The following SMARCC1 variants were observed in gnomAD, a reference collection of about 807,000 sequenced individuals.
The protein encoded by SMARCC1 is SWI/SNF complex subunit SMARCC1.
In SMARCC1, 43 loss-of-function variants were observed where a neutral mutation model predicts 147.4. The ratio of observed to expected loss-of-function variants is 0.29; its 90% CI spans 0.23 to 0.38. The LOEUF is 0.38. SMARCC1 is among the 10% of genes least tolerant of loss of function. The pLI is 1.00. For missense variants in SMARCC1, 1,119 were observed against 1,381.1 expected (o/e 0.81, Z 3.01); for synonymous variants, 495 against 484.4 (o/e 1.02, Z -0.29).
At chr3:47,627,259 G>C (rs1250568700) in intron 24 of SMARCC1, among the ~76,000 whole-genome samples, 1 of 151,870 alleles carries the variant, frequency 6.6e-6, no homozygotes, top group Non-Finnish European at 1.5e-5. Context: ...AGTACTGAAG[G>C]TTGAAGAAAT....
chr3:47,683,114 C>A (rs2033675234), intron 14 of SMARCC1, among the ~76,000 whole-genome samples: 2 of 152,196 alleles, frequency 1.3e-5, no homozygotes, highest in Non-Finnish European at 2.9e-5. Flanking sequence ...GCGATCTCAG[C>A]TTACTGCAAG....
At position 47,756,310 on chromosome 3, in the gene SMARCC1, G is replaced by A. The variant is rs970889116; in HGVS notation, c.316-10317C>T. 6.6e-5 allele frequency among the ~76,000 whole-genome samples: 10 copies of A among 152,010 alleles called. No individual in the cohort carries two copies. In the East Asian group the frequency reaches 1.7e-3, roughly 26 times the overall value. ...CCACTTTGGGAGGCCTAGGCGAGCA[G>A]ATCACCTGAGGTCAGGAGTTCGAGA... On this transcript the variant is annotated intron_variant, in intron 2 of 27. Coordinates refer to ENST00000254480, the MANE Select transcript of SMARCC1 (RefSeq NM_003074.4).
chr3:47,600,998 T>TGAGAGAGAGAGAGAGAGAGAGAGA (rs66582985), intron 26 of SMARCC1, among the ~76,000 whole-genome samples: 6 of 85,198 alleles, frequency 7.0e-5, no homozygotes, highest in African/African-American at 1.5e-4. Context: ...AGGAAGAAAA[T>TGAGAGAGAGAGAGAGAGAGAGAGA]GAGAGAGAGA....
intron 2 of SMARCC1, among the ~76,000 whole-genome samples, chr3:47,752,264 G>C (rs1344674395): frequency 6.6e-6 from 1 of 152,092 alleles, no homozygotes; most frequent in Non-Finnish European, 1.5e-5. Flanking sequence ...AAATGAAAAC[G>C]TGAGAAATCA....
intron 11 of SMARCC1, among the ~76,000 whole-genome samples, chr3:47,697,393 C>T (rs181944217): frequency 1.7e-4 from 26 of 151,734 alleles, no homozygotes; most frequent in Admixed American, 9.8e-4. Flanking sequence ...CTCCGCCTCC[C>T]GGGTTCAAGC....
At chr3:47,627,907 G>C (rs1403297137) in intron 24 of SMARCC1, among the ~76,000 whole-genome samples, 4 of 151,868 alleles carry the variant, frequency 2.6e-5, no homozygotes, top group Non-Finnish European at 5.9e-5. Context: ...ACTTTTTGTA[G>C]AGACATGATC....
At chr3:47,604,042 G>C in intron 26 of SMARCC1, 1 of 456,792 alleles carries the variant, frequency 2.2e-6, no homozygotes, top group South Asian at 1.5e-5. Flanking sequence ...CAAAGGTAGG[G>C]GACAGGGCAG....
intron 25 of SMARCC1, among the ~76,000 whole-genome samples, chr3:47,612,090 C>G (rs2032572545): frequency 6.6e-6 from 1 of 152,080 alleles, no homozygotes; most frequent in African/African-American, 2.4e-5. Context: ...AAAGCCTAGC[C>G]TGGTTCAGTT....
rs1413906023 is a variant in SMARCC1, at chr3:47,706,397, A to C, written c.1040+12T>G. ...TGTTTTAATGCCCTTTGAATCATGT[A>C]ATAGTTCTTACCCTTTCTTCCCACT... On this transcript the variant is annotated intron_variant, in intron 10 of 27. Coordinates refer to ENST00000254480, the MANE Select transcript of SMARCC1 (RefSeq NM_003074.4). 1 of 1,541,578 alleles carries C rather than the reference A, an allele frequency of 6.5e-7. No individual in the cohort carries two copies. Among genetic ancestry groups the C allele is most frequent in the Non-Finnish European group, 8.7e-7 (1 of 1,149,430 alleles).
chr3:47,762,645 G>A (rs2034787733), intron 2 of SMARCC1, among the ~76,000 whole-genome samples: 2 of 152,216 alleles, frequency 1.3e-5, no homozygotes, highest in Non-Finnish European at 1.5e-5. Context: ...AATGAGGCTA[G>A]GCACAGTGGC....
chr3:47,675,722 C>A (rs530644019), intron 17 of SMARCC1, 134 bp from the exon 18 acceptor site: 3 of 522,686 alleles, frequency 5.7e-6, no homozygotes, highest in Non-Finnish European at 1.0e-5. Context: ...CCGAGGCAGG[C>A]GGATCACAAG....
intron 26 of SMARCC1, among the ~76,000 whole-genome samples, chr3:47,593,123 G>A (rs1170413130): frequency 6.6e-6 from 1 of 151,680 alleles, no homozygotes; most frequent in Non-Finnish European, 1.5e-5. Flanking sequence ...CACCGCACCT[G>A]GCCGTAGTCT....
chr3:47,592,556 A>T (rs543059873), intron 26 of SMARCC1, among the ~76,000 whole-genome samples: 12 of 152,344 alleles, frequency 7.9e-5, no homozygotes, highest in African/African-American at 2.9e-4. Context: ...TATGATGGTA[A>T]ACATTCACTA....
At chr3:47,779,896 T>C (rs2035019670) in intron 1 of SMARCC1, among the ~76,000 whole-genome samples, 1 of 152,198 alleles carries the variant, frequency 6.6e-6, no homozygotes, top group African/African-American at 2.4e-5. Flanking sequence ...TAACCAATAT[T>C]TTCATAACAT....
At chr3:47,601,342 T>C (rs2032382699) in intron 26 of SMARCC1, among the ~76,000 whole-genome samples, 1 of 152,264 alleles carries the variant, frequency 6.6e-6, no homozygotes, top group South Asian at 2.1e-4. Context: ...AGAAAGTGAA[T>C]CTAGGAAAGG....
At position 47,588,174 on chromosome 3, in the gene SMARCC1, G is replaced by C. The variant is rs774242886; in HGVS notation, c.*35C>G. ...TCTTGTCATCCCCACTCCAGCTCAT[G>C]GTGGTGGGCGTGGAGGTTCCCTGCA... On this transcript the variant is annotated 3_prime_UTR_variant, in exon 28 of 28. Transcript: ENST00000254480. The C allele has an allele frequency of 9.4e-6, 14 of 1,488,320 alleles. No individual in the cohort carries two copies. The highest frequency in any genetic ancestry group is 1.3e-5 in the Non-Finnish European group (14 of 1,070,466). 92.2% of individuals were successfully genotyped at this position (1,488,320 alleles called of 1,614,324 possible). A position where few individuals can be genotyped will look rare whatever the true frequency, so the allele number is the denominator to read the frequency against.
intron 26 of SMARCC1, among the ~76,000 whole-genome samples, chr3:47,602,803 C>T (rs1460557241): frequency 1.3e-5 from 2 of 152,220 alleles, no homozygotes; most frequent in Admixed American, 6.5e-5. Context: ...GTGCAGGCAG[C>T]TGACTTAAGA....
At chr3:47,738,263 T>C (rs1010187482) in intron 3 of SMARCC1, among the ~76,000 whole-genome samples, 153 bp from the exon 4 acceptor site, 3 of 152,182 alleles carry the variant, frequency 2.0e-5, no homozygotes, top group Admixed American at 1.3e-4. Flanking sequence ...AACATAAGAA[T>C]ACATAGTATC....
In SMARCC1 at chr3:47,662,350, T is replaced by C; in HGVS notation, c.2142A>G (p.Ala714=). Residue 714 remains alanine (A), a synonymous_variant, in exon 20 of 28, where the codon GCA becomes GCG. Coordinates refer to ENST00000254480, the MANE Select transcript of SMARCC1 (RefSeq NM_003074.4). ...AGTCCATACCCAAAGCCGCTTTTGC[T>C]GCAGCAGATGCCACGCGAGGGTCCA... ...SVVDPRVASA[A]AKAALEEFSR... is the part of the protein sequence containing the mutation. 1 of 1,614,146 alleles carries C rather than the reference T, an allele frequency of 6.2e-7. No individual in the cohort carries two copies. The highest frequency in any genetic ancestry group is 1.1e-5 in the South Asian group (1 of 91,068).
Sources: gnomAD v4.1 joint callset for allele counts (sites outside exome capture counted in the v4.1 genomes callset) on GRCh38, gnomAD v4.1.1 for gene constraint, MANE v1.5 for transcripts, NCBI Gene and HGNC (gene_info 2026-07-23, HGNC 2026-07-21) for gene names.